The following WNT7A variants were observed in gnomAD, a reference collection of about 807,000 sequenced individuals.
WNT7A encodes protein Wnt-7a.
Under a neutral mutation model 28.2 loss-of-function variants are expected in WNT7A, and 16 were observed. That is an observed-to-expected ratio of 0.57 (90% CI 0.38 to 0.86). The LOEUF is 0.86. WNT7A is among the 40% of genes least tolerant of loss of function. The probability of loss-of-function intolerance (pLI) is 0.00; values close to 1 mark genes in which losing one functional copy is unlikely to be tolerated. For synonymous variants in WNT7A, 190 were observed against 195.9 expected (o/e 0.97, Z 0.25); for missense variants, 411 against 489.7 (o/e 0.84, Z 1.52).
chr3:13,865,635 T>C (rs1694899281), intron 2 of WNT7A, among the ~76,000 whole-genome samples: 1 of 152,210 alleles, frequency 6.6e-6, no homozygotes, highest in East Asian at 1.9e-4. Flanking sequence ...CTGCTGTGCA[T>C]GAGGTGCTCC....
intron 3 of WNT7A, among the ~76,000 whole-genome samples, chr3:13,836,819 T>C (rs545042128): frequency 2.8e-4 from 43 of 152,202 alleles, no homozygotes; most frequent in African/African-American, 9.9e-4. Context: ...GAGGGAAGGG[T>C]ATCACCTGTG....
intron 3 of WNT7A, among the ~76,000 whole-genome samples, chr3:13,853,285 G>C (rs1283039565): frequency 1.3e-5 from 2 of 152,240 alleles, no homozygotes; most frequent in African/African-American, 2.4e-5. Flanking sequence ...CGGAGAAAAG[G>C]CTAGGAAGGA....
At chr3:13,831,458 G>T (rs759271169) in intron 3 of WNT7A, among the ~76,000 whole-genome samples, 1 of 152,182 alleles carries the variant, frequency 6.6e-6, no homozygotes, top group Non-Finnish European at 1.5e-5. Flanking sequence ...TAATGTGGCC[G>T]AACAGAAGGA....
chr3:13,824,619 C>T (rs933705120), intron 3 of WNT7A, among the ~76,000 whole-genome samples: 1 of 152,196 alleles, frequency 6.6e-6, no homozygotes, highest in South Asian at 2.1e-4. Flanking sequence ...AGGGCCGAGC[C>T]GAGCCCCACC....
At chr3:13,824,763 A>T (rs1694166308) in intron 3 of WNT7A, among the ~76,000 whole-genome samples, 1 of 152,170 alleles carries the variant, frequency 6.6e-6, no homozygotes, top group East Asian at 1.9e-4. Flanking sequence ...ATGACAGACG[A>T]TGGCCCAACA....
In WNT7A at chr3:13,818,095, A is replaced by G. The variant is rs1348634331; in HGVS notation, c.*849T>C. On this transcript the variant is annotated 3_prime_UTR_variant, in exon 4 of 4. Transcript: ENST00000285018. Reference sequence around the variant, plus strand: ...GAAGAAGCACAGGCCGTGGAATGATACAGTAGACTCGATATAAATAAAATA... The same window carrying G: ...GAAGAAGCACAGGCCGTGGAATGATGCAGTAGACTCGATATAAATAAAATA... 5 of 152,214 alleles carry G rather than the reference A, an allele frequency of 3.3e-5. No individual in the cohort carries two copies. The highest frequency in any genetic ancestry group is 1.2e-4 in the African/African-American group (5 of 41,448). The allele number at this position is 152,214 out of a possible 1,614,324, so 9.4% of individuals were successfully genotyped here. A position where few individuals can be genotyped will look rare whatever the true frequency, so the allele number is the denominator to read the frequency against.
chr3:13,826,307 C>T lies in WNT7A; in HGVS notation c.571-6884G>A, dbSNP rs569823373. Among the ~76,000 whole-genome samples, 129 of 152,210 alleles carry T rather than the reference C, an allele frequency of 8.5e-4. 1 individual carries two copies. Among genetic ancestry groups the T allele is most frequent in the African/African-American group, 3.0e-3 (126 of 41,544 alleles). ...GAATCTAATCATACATTGGTAAGTG[C>T]TATGAAGGAGTGAAAGCAACAGAGA... is the stretch of plus-strand genomic sequence containing the variant. On this transcript the variant is annotated intron_variant, in intron 3 of 3. Coordinates refer to ENST00000285018, the MANE Select transcript of WNT7A (RefSeq NM_004625.4).
intron 1 of WNT7A, among the ~76,000 whole-genome samples, chr3:13,879,394 T>C (rs915724649): frequency 6.6e-6 from 1 of 152,120 alleles, no homozygotes; most frequent in African/African-American, 2.4e-5. Flanking sequence ...ATGTTCCTGC[T>C]AGACCTGCTG....
chr3:13,861,216 G>A (rs1408198005), intron 2 of WNT7A, among the ~76,000 whole-genome samples: 1 of 152,204 alleles, frequency 6.6e-6, no homozygotes, highest in African/African-American at 2.4e-5. Context: ...TGGCCACCAT[G>A]GCCTGTGTGC....
chr3:13,832,552 C>G (rs940268201), intron 3 of WNT7A, among the ~76,000 whole-genome samples: 1 of 152,194 alleles, frequency 6.6e-6, no homozygotes, highest in African/African-American at 2.4e-5. Flanking sequence ...CCTGCTCCTC[C>G]TCTCCCTCCC....
intron 3 of WNT7A, among the ~76,000 whole-genome samples, chr3:13,828,152 A>G (rs1694227301): frequency 2.0e-5 from 3 of 152,238 alleles, no homozygotes; most frequent in Admixed American, 1.3e-4. Flanking sequence ...AGTCAGGGCC[A>G]AACTGAAGTG....
At chr3:13,870,515 A>T (rs1695012826) in intron 2 of WNT7A, among the ~76,000 whole-genome samples, 1 of 151,950 alleles carries the variant, frequency 6.6e-6, no homozygotes, top group Non-Finnish European at 1.5e-5. Context: ...AGACTAGTAC[A>T]CTCGTGAGCA....
intron 3 of WNT7A, among the ~76,000 whole-genome samples, chr3:13,834,411 G>T (rs1243298247): frequency 6.6e-6 from 1 of 152,046 alleles, no homozygotes; most frequent in African/African-American, 2.4e-5. Flanking sequence ...TCAGGGGCAC[G>T]CTGTGGGTCA....
rs569566597 is a variant in WNT7A, at chr3:13,840,797, GTGCA to G, written c.570+13731_570+13734del. ...TATCCATCCATCCATCTATCCATTT[GTGCA>G]TGCATGCATGCATCCATCCATCCAT... On this transcript the variant is annotated intron_variant, in intron 3 of 3. Coordinates refer to ENST00000285018, the MANE Select transcript of WNT7A (RefSeq NM_004625.4). 1.3e-4 allele frequency among the ~76,000 whole-genome samples: 19 copies of G among 151,244 alleles called. No homozygotes were observed. In the South Asian group the frequency reaches 3.6e-3, roughly 28 times the overall value.
chr3:13,820,846 A>G (rs1247368520), intron 3 of WNT7A, among the ~76,000 whole-genome samples: 2 of 152,190 alleles, frequency 1.3e-5, no homozygotes, highest in Non-Finnish European at 2.9e-5. Context: ...ATCTGCAATC[A>G]AATGAGCCAG....
Position 13,833,132 on chromosome 3 carries a change from T to C in WNT7A, c.571-13709A>G, listed in dbSNP as rs145082674. On this transcript the variant is annotated intron_variant, in intron 3 of 3. Coordinates refer to ENST00000285018, the MANE Select transcript of WNT7A (RefSeq NM_004625.4). ...TCACATCCCACCATGTGCTCACACA[T>C]ACACAACCTCCCCAGGCATGGCCCC... Among the ~76,000 whole-genome samples, 822 of 151,862 alleles carry C rather than the reference T, an allele frequency of 5.4e-3. 9 individuals carry two copies. Among genetic ancestry groups the C allele is most frequent in the African/African-American group, 0.018 (733 of 41,368 alleles).
intron 3 of WNT7A, among the ~76,000 whole-genome samples, chr3:13,835,694 G>A (rs1187872665): frequency 2.6e-5 from 4 of 152,232 alleles, no homozygotes; most frequent in African/African-American, 9.6e-5. Flanking sequence ...ACTAACACCA[G>A]AAACACACTC....
chr3:13,827,153 A>T (rs1694208829), intron 3 of WNT7A, among the ~76,000 whole-genome samples: 2 of 152,228 alleles, frequency 1.3e-5, no homozygotes, highest in South Asian at 4.1e-4. Flanking sequence ...GGCAGGAGTC[A>T]GAGAGCAGTA....
At chr3:13,820,145 T>C (rs148356578) in intron 3 of WNT7A, among the ~76,000 whole-genome samples, 257 of 152,344 alleles carry the variant, frequency 1.7e-3, no homozygotes, top group African/African-American at 4.7e-3. Context: ...AAGTCATGAA[T>C]TGAGCTCCTA....
Sources: allele counts gnomAD v4.1 joint callset (sites outside exome capture counted in the v4.1 genomes callset), GRCh38; gene constraint gnomAD v4.1.1; transcripts MANE v1.5; gene names NCBI Gene and HGNC (gene_info 2026-07-23, HGNC 2026-07-21).